The following ZNF674 variants were observed in gnomAD, a reference collection of about 807,000 sequenced individuals.
ZNF674 encodes the protein zinc finger family member 674.
A neutral mutation model predicts 7.0 loss-of-function variants in ZNF674; 2 were observed. The observed-to-expected ratio is 0.29, with a 90% CI of 0.12 to 0.90. The LOEUF is 0.90. Among genes scored for constraint, ZNF674 ranks in the 40% least tolerant of loss-of-function variants. ZNF674 has a pLI of 0.57. For synonymous variants in ZNF674, 103 were observed against 145.2 expected (o/e 0.71, Z 2.09); for missense variants, 297 against 415.5 (o/e 0.71, Z 2.48).
At chrX:46,517,626 A>G (rs935316338) in intron 5 of ZNF674, 1 of 112,062 alleles carries the variant, frequency 8.9e-6, no homozygotes, top group African/African-American at 3.2e-5. Context: ...CAAGGATTCA[A>G]GGACTGCAAA....
chrX:46,533,811 C>CAAAA (rs763490420), intron 3 of ZNF674, among the ~76,000 whole-genome samples: 130 of 23,872 alleles, frequency 5.4e-3, no homozygotes, highest in African/African-American at 0.018. Context: ...GACCCTGTCT[C>CAAAA]AAAAAAAAAA....
At chrX:46,509,747 T>C (rs1425515019) in intron 5 of ZNF674, among the ~76,000 whole-genome samples, 2 of 97,184 alleles carry the variant, frequency 2.1e-5, no homozygotes, top group African/African-American at 7.6e-5. Context: ...CTCAGGGATC[T>C]AGAACTAGAA....
intron 5 of ZNF674, chrX:46,525,409 C>T (rs755667609): frequency 8.1e-5 from 14 of 172,662 alleles, no homozygotes; most frequent in Non-Finnish European, 2.1e-5. Flanking sequence ...TCGAGACCAG[C>T]CTGATGAACA....
rs1941376021 is a variant in ZNF674, at chrX:46,499,667, T to G, written c.*176A>C. 2 of 381,503 alleles carry G rather than the reference T, an allele frequency of 5.2e-6. No individual in the cohort carries two copies. The allele number at this position is 381,503 out of a possible 1,213,427, so 31.4% of individuals were successfully genotyped here. A position where few individuals can be genotyped will look rare whatever the true frequency, so the allele number is the denominator to read the frequency against. ...AAAACTGATCACATTTATTGACACC[T>G]CTGGAATTATACTTTTGTACTTTGT... On this transcript the variant is annotated 3_prime_UTR_variant, in exon 6 of 6. Coordinates refer to ENST00000683375, the MANE Select transcript of ZNF674 (RefSeq NM_001190417.2).
intron 5 of ZNF674, among the ~76,000 whole-genome samples, chrX:46,504,436 G>A (rs112585579): frequency 0.038 from 4,141 of 109,055 alleles, 209 homozygotes; most frequent in African/African-American, 0.13. Context: ...TCTGCCTCCT[G>A]GGTTCAAGCA....
intron 3 of ZNF674, among the ~76,000 whole-genome samples, chrX:46,535,374 C>T (rs1478781471): frequency 4.5e-5 from 5 of 110,921 alleles, no homozygotes; most frequent in South Asian, 3.8e-4. Context: ...CTCAAATTCC[C>T]GAGCTTAAGC....
Position 46,536,630 on chromosome X carries a change from GC to G in ZNF674, c.15+5442del, listed in dbSNP as rs1441147307. ...AAGTTAGACGGGCATGGTGGTTTGT[GC>G]CTGTAGTCCCAGCTACTCAGGAAGC... On this transcript the variant is annotated intron_variant, in intron 3 of 5. Transcript: ENST00000683375. 3.7e-5 allele frequency among the ~76,000 whole-genome samples: 4 copies of G among 108,060 alleles called. No homozygotes were observed. The East Asian group carries it at 1.2e-3, about 32-fold the overall frequency. The allele number at this position is 108,060 out of a possible 115,157, so 93.8% of individuals were successfully genotyped here.
At chrX:46,518,159 A>T (rs1406269591) in intron 5 of ZNF674, among the ~76,000 whole-genome samples, 2 of 111,513 alleles carry the variant, frequency 1.8e-5, no homozygotes, top group Non-Finnish European at 3.8e-5. Context: ...GAACTTTGGG[A>T]ATAAATGAGG....
At chrX:46,514,249 G>A (rs183579988) in intron 5 of ZNF674, among the ~76,000 whole-genome samples, 5 of 111,262 alleles carry the variant, frequency 4.5e-5, no homozygotes, top group Admixed American at 2.9e-4. Flanking sequence ...TGACCTGTTC[G>A]ATGTACATCC....
intron 3 of ZNF674, among the ~76,000 whole-genome samples, chrX:46,540,414 T>C: frequency 8.9e-6 from 1 of 112,175 alleles, no homozygotes; most frequent in Middle Eastern, 4.6e-3. Context: ...CTTTTAAATG[T>C]TCAATTTTTT....
At chrX:46,512,802 A>C (rs1172066331) in intron 5 of ZNF674, among the ~76,000 whole-genome samples, 1 of 110,679 alleles carries the variant, frequency 9.0e-6, no homozygotes, top group Non-Finnish European at 1.9e-5. Context: ...CAAACTAAAA[A>C]TTGATACATT....
At chrX:46,521,746 G>A (rs1269734439) in intron 5 of ZNF674, among the ~76,000 whole-genome samples, 4 of 108,751 alleles carry the variant, frequency 3.7e-5, no homozygotes, top group African/African-American at 6.7e-5. Flanking sequence ...AAAATTAGCC[G>A]GGTATGGTGG....
intron 5 of ZNF674, among the ~76,000 whole-genome samples, chrX:46,526,529 C>G (rs1383299566): frequency 1.8e-5 from 2 of 111,076 alleles, no homozygotes; most frequent in Non-Finnish European, 3.8e-5. Context: ...CCTCCCACCT[C>G]AGCCTCCCAA....
In ZNF674 at chrX:46,528,825, T is replaced by G. The variant is rs754344666; in HGVS notation, c.100A>C (p.Arg34=). The G allele has an allele frequency of 9.1e-6, 11 of 1,211,696 alleles. No individual in the cohort carries two copies. The highest frequency in any genetic ancestry group is 1.2e-5 in the Non-Finnish European group (11 of 895,497). ...QLDSAQKNLY[R]DVMLENYSHL... ...CTGTAGTTCTCAAGCATGACATCCC[T>G]GTAGAGGTTCTTCTGGGCAGAGTCC... The change falls in exon 4 of 6, where the codon AGG becomes CGG. Residue 34 remains arginine, a synonymous_variant. Coordinates refer to ENST00000683375, the MANE Select transcript of ZNF674 (RefSeq NM_001190417.2).
In ZNF674 at chrX:46,505,497, G is replaced by T. The variant is rs189155743; in HGVS notation, c.239-4162C>A. On this transcript the variant is annotated intron_variant, in intron 5 of 5. Transcript: ENST00000683375. ...TTATTCAAGAAAAACTATGCCAGAC[G>T]TGGTGACTCATGCCTATAATCCCAG... 2.2e-3 allele frequency among the ~76,000 whole-genome samples: 247 copies of T among 111,853 alleles called. 1 individual carries two copies. Among genetic ancestry groups the T allele is most frequent in the African/African-American group, 7.5e-3 (230 of 30,865 alleles).
At chrX:46,519,255 TA>T (rs1345083242) in intron 5 of ZNF674, among the ~76,000 whole-genome samples, 36 of 73,998 alleles carry the variant, frequency 4.9e-4, no homozygotes, top group African/African-American at 1.8e-3. Flanking sequence ...GATAGATAGA[TA>T]GATAGATAAA....
At chrX:46,534,503 A>G in intron 3 of ZNF674, among the ~76,000 whole-genome samples, 1 of 110,577 alleles carries the variant, frequency 9.0e-6, no homozygotes, top group East Asian at 2.8e-4. Context: ...CTGGGACTCC[A>G]GGCACACGCC....
chrX:46,544,957 G>A (rs1011658592), intron 1 of ZNF674, among the ~76,000 whole-genome samples: 5 of 111,346 alleles, frequency 4.5e-5, no homozygotes, highest in African/African-American at 1.6e-4. Flanking sequence ...AGACACACTG[G>A]AAACAATAAA....
chrX:46,534,413 C>T (rs58998195), intron 3 of ZNF674, among the ~76,000 whole-genome samples: 15,743 of 111,132 alleles, frequency 0.14, 2,370 homozygotes, highest in African/African-American at 0.44. Context: ...GAGATTATGG[C>T]TCACTGCAGC....
Sources: gnomAD v4.1 joint callset for allele counts (sites outside exome capture counted in the v4.1 genomes callset) on GRCh38, gnomAD v4.1.1 for gene constraint, MANE v1.5 for transcripts, NCBI Gene and HGNC (gene_info 2026-07-23, HGNC 2026-07-21) for gene names.